The following ELOVL7 variants were observed in gnomAD, a reference collection of about 807,000 sequenced individuals.
ELOVL7 encodes the protein ELOVL fatty acid elongase 7, also known as very long chain fatty acid elongase 7.
ELOVL7 carries 27 observed loss-of-function variants against 35.7 expected under a neutral mutation model. The observed-to-expected ratio is 0.76, with a 90% confidence interval of 0.56 to 1.04. ELOVL7 has a LOEUF of 1.04. Ranked by LOEUF, ELOVL7 falls within the 50% of genes least tolerant of loss-of-function variation. The probability of loss-of-function intolerance (pLI) is 0.00; values close to 1 mark genes in which losing one functional copy is unlikely to be tolerated. For missense variants in ELOVL7, 327 were observed against 340.8 expected (o/e 0.96, Z 0.32); for synonymous variants, 113 against 114.6 (o/e 0.99, Z 0.09).
chr5:60,763,678 T>C (rs1366267786), intron 7 of ELOVL7, among the ~76,000 whole-genome samples: 4 of 152,168 alleles, frequency 2.6e-5, no homozygotes, highest in African/African-American at 9.7e-5. Flanking sequence ...TTTAAACTAT[T>C]TTGGACCTTA....
intron 7 of ELOVL7, among the ~76,000 whole-genome samples, chr5:60,761,054 A>G (rs576555161): frequency 1.3e-5 from 2 of 152,180 alleles, no homozygotes; most frequent in African/African-American, 2.4e-5. Context: ...CAAAACAACC[A>G]TATTTTAATT....
intron 1 of ELOVL7, among the ~76,000 whole-genome samples, chr5:60,808,758 G>A (rs531389904): frequency 6.6e-6 from 1 of 152,146 alleles, no homozygotes; most frequent in African/African-American, 2.4e-5. Context: ...AACAAACAGT[G>A]GTATATCCAT....
chr5:60,794,233 C>T (rs1744110840), intron 2 of ELOVL7, among the ~76,000 whole-genome samples: 1 of 152,188 alleles, frequency 6.6e-6, no homozygotes, highest in Non-Finnish European at 1.5e-5. Context: ...CTCTTTAGAC[C>T]CAAATTAAAG....
At chr5:60,760,141 TG>T (rs1741810529) in intron 7 of ELOVL7, among the ~76,000 whole-genome samples, 1 of 152,238 alleles carries the variant, frequency 6.6e-6, no homozygotes, top group African/African-American at 2.4e-5. Context: ...TATAGTCCTT[TG>T]GGTACATACC....
At chr5:60,784,038 T>A (rs1212144701) in intron 3 of ELOVL7, 1 of 807,038 alleles carries the variant, frequency 1.2e-6, no homozygotes, top group African/African-American at 1.7e-5. Context: ...AGCTTAATAA[T>A]TCGTTTCTAA....
chr5:60,818,021 T>C (rs2112341414), intron 1 of ELOVL7, among the ~76,000 whole-genome samples: 1 of 151,780 alleles, frequency 6.6e-6, no homozygotes, highest in African/African-American at 2.4e-5. Flanking sequence ...AAAAAAAGAA[T>C]AAAGTTATAA....
intron 1 of ELOVL7, among the ~76,000 whole-genome samples, chr5:60,818,323 A>C (rs1745655455): frequency 6.7e-6 from 1 of 149,044 alleles, no homozygotes; most frequent in Non-Finnish European, 1.5e-5. Context: ...ATCTCAGAAA[A>C]AAAAAAAAAA....
At chr5:60,778,529 G>T (rs965860515) in intron 3 of ELOVL7, among the ~76,000 whole-genome samples, 2 of 152,164 alleles carry the variant, frequency 1.3e-5, no homozygotes, top group Non-Finnish European at 2.9e-5. Flanking sequence ...AGTGCCAGCA[G>T]GGGAAATGCC....
intron 1 of ELOVL7, among the ~76,000 whole-genome samples, chr5:60,823,769 A>C (rs1048794440): frequency 3.9e-5 from 6 of 152,236 alleles, no homozygotes; most frequent in African/African-American, 1.2e-4. Context: ...AAAGAACATG[A>C]GTAACTACTG....
At chr5:60,766,104 G>A (rs1337371115) in intron 6 of ELOVL7, among the ~76,000 whole-genome samples, 1 of 152,148 alleles carries the variant, frequency 6.6e-6, no homozygotes, top group Admixed American at 6.5e-5. Flanking sequence ...CTGAATTACC[G>A]ACAGCCCAGG....
intron 1 of ELOVL7, chr5:60,843,552 G>T (rs1315133998): frequency 6.6e-6 from 1 of 152,444 alleles, no homozygotes; most frequent in East Asian, 1.9e-4. Flanking sequence ...GAGCCGAAGG[G>T]ACAGCGCCCC....
intron 4 of ELOVL7, 91 bp from the exon 5 acceptor site, chr5:60,767,994 T>C (rs2112164484): frequency 2.1e-6 from 2 of 972,830 alleles, no homozygotes; most frequent in Non-Finnish European, 3.3e-6. Context: ...TCATTACATT[T>C]TCAGCTAAGT....
At chr5:60,801,340 AG>A (rs1318898637) in intron 1 of ELOVL7, among the ~76,000 whole-genome samples, 3 of 152,216 alleles carry the variant, frequency 2.0e-5, no homozygotes. Flanking sequence ...AGAAATAAAA[AG>A]GCATCCAAAT....
intron 3 of ELOVL7, among the ~76,000 whole-genome samples, chr5:60,772,876 T>G (rs1005044106): frequency 5.9e-5 from 9 of 152,216 alleles, no homozygotes; most frequent in African/African-American, 1.7e-4. Flanking sequence ...TTGTGTTTGC[T>G]GCTTAATTTT....
chr5:60,782,282 C>A (rs1350932071), intron 3 of ELOVL7, among the ~76,000 whole-genome samples: 1 of 152,170 alleles, frequency 6.6e-6, no homozygotes, highest in East Asian at 1.9e-4. Context: ...GAAAAGAGAA[C>A]CCTTGTACAA....
chr5:60,777,115 G>T (rs900882290), intron 3 of ELOVL7, among the ~76,000 whole-genome samples: 1 of 151,778 alleles, frequency 6.6e-6, no homozygotes, highest in East Asian at 1.9e-4. Context: ...AGGGGGGTTG[G>T]GGGGGAGGTG....
intron 1 of ELOVL7, among the ~76,000 whole-genome samples, chr5:60,839,021 C>CA (rs34113793): frequency 2.8e-4 from 41 of 146,322 alleles, no homozygotes; most frequent in East Asian, 2.2e-3. Flanking sequence ...AAAACAGTGT[C>CA]AAAAAAAAAT....
At chr5:60,836,056 G>A (rs1400702568) in intron 1 of ELOVL7, among the ~76,000 whole-genome samples, 1 of 151,990 alleles carries the variant, frequency 6.6e-6, no homozygotes, top group Non-Finnish European at 1.5e-5. Context: ...CAACGGTATT[G>A]TATTTGAATC....
intron 1 of ELOVL7, among the ~76,000 whole-genome samples, chr5:60,837,771 C>T (rs989132005): frequency 2.0e-5 from 3 of 152,146 alleles, no homozygotes; most frequent in South Asian, 4.2e-4. Context: ...GGACAAACCC[C>T]GTCTCTACTA....
Sources: gnomAD v4.1 joint callset for allele counts (sites outside exome capture counted in the v4.1 genomes callset) on GRCh38, gnomAD v4.1.1 for gene constraint, MANE v1.5 for transcripts, NCBI Gene and HGNC (gene_info 2026-07-23, HGNC 2026-07-21) for gene names.